Variants in RAB27B observed in about 807,000 individuals in gnomAD.
RAB27B encodes the protein ras-related protein Rab-27B.
In RAB27B, 15 loss-of-function variants were observed where a neutral mutation model predicts 24.6. The ratio of observed to expected loss-of-function variants is 0.61; its 90% confidence interval spans 0.41 to 0.94. RAB27B has a LOEUF of 0.94. Ranked by LOEUF, RAB27B falls within the 40% of genes least tolerant of loss-of-function variation. The probability of loss-of-function intolerance (pLI) is 0.00; values close to 1 mark genes in which losing one functional copy is unlikely to be tolerated. For synonymous variants in RAB27B, 105 were observed against 92.5 expected (o/e 1.14, Z -0.78); for missense variants, 261 against 266.8 (o/e 0.98, Z 0.15).
chr18:54,810,584 C>T (rs1257202248), intron 2 of RAB27B, among the ~76,000 whole-genome samples: 1 of 151,978 alleles, frequency 6.6e-6, no homozygotes. Context: ...AATCCCAGCA[C>T]ATTGGGAGGC....
chr18:54,796,624 T>G (rs556112970), intron 2 of RAB27B, among the ~76,000 whole-genome samples: 6 of 152,314 alleles, frequency 3.9e-5, no homozygotes, highest in East Asian at 1.9e-4. Flanking sequence ...GCCAATCTGC[T>G]GGTGTCTATT....
chr18:54,783,233 C>T (rs1316892342), intron 2 of RAB27B, among the ~76,000 whole-genome samples: 2 of 152,082 alleles, frequency 1.3e-5, no homozygotes, highest in Non-Finnish European at 2.9e-5. Flanking sequence ...TCCCAAAGTG[C>T]TGGGATTACA....
chr18:54,743,254 A>G (rs571122167), intron 2 of RAB27B, among the ~76,000 whole-genome samples: 2 of 152,328 alleles, frequency 1.3e-5, no homozygotes, highest in African/African-American at 4.8e-5. Context: ...CTATATTAAC[A>G]TAACTGAATT....
chr18:54,801,614 T>C (rs2145130758), intron 2 of RAB27B, among the ~76,000 whole-genome samples: 1 of 152,228 alleles, frequency 6.6e-6, no homozygotes, highest in South Asian at 2.1e-4. Flanking sequence ...GATTCTTTGT[T>C]GGGGCTTGGG....
At chr18:54,728,832 C>G (rs1460295287) in intron 2 of RAB27B, among the ~76,000 whole-genome samples, 1 of 122,920 alleles carries the variant, frequency 8.1e-6, no homozygotes, top group East Asian at 2.7e-4. Flanking sequence ...ACCAAGATCA[C>G]ACCACTGTAC....
At chr18:54,762,347 G>C (rs1908217475) in intron 2 of RAB27B, among the ~76,000 whole-genome samples, 1 of 152,122 alleles carries the variant, frequency 6.6e-6, no homozygotes, top group Non-Finnish European at 1.5e-5. Context: ...GTGCCACCAA[G>C]CCTGGCTAAT....
At chr18:54,809,625 A>T (rs1305601440) in intron 2 of RAB27B, among the ~76,000 whole-genome samples, 1 of 152,230 alleles carries the variant, frequency 6.6e-6, no homozygotes, top group African/African-American at 2.4e-5. Context: ...GCTAATGCAT[A>T]AGTCAAAACC....
At chr18:54,774,629 G>A (rs1223396338) in intron 2 of RAB27B, among the ~76,000 whole-genome samples, 1 of 152,338 alleles carries the variant, frequency 6.6e-6, no homozygotes, top group Non-Finnish European at 1.5e-5. Context: ...AGATAGCTAA[G>A]TCTTTCATAA....
chr18:54,891,217 A>G lies in RAB27B; in HGVS notation c.*1804A>G, dbSNP rs1369265640. ...AGATCCAAGGAAATGTCTCTTTATA[A>G]TGTTCTTAGGATGGACTAGACCCAT... On this transcript the variant is annotated 3_prime_UTR_variant, in exon 6 of 6. Transcript: ENST00000262094. 1 of 152,038 alleles carries G rather than the reference A, an allele frequency of 6.6e-6. No homozygotes were observed. Among genetic ancestry groups the G allele is most frequent in the Non-Finnish European group, 1.5e-5 (1 of 68,002 alleles). The allele number at this position is 152,038 out of a possible 1,614,324, so 9.4% of individuals were successfully genotyped here. A position where few individuals can be genotyped will look rare whatever the true frequency, so the allele number is the denominator to read the frequency against.
chr18:54,730,616 C>T (rs1909699894), intron 2 of RAB27B, among the ~76,000 whole-genome samples: 1 of 151,834 alleles, frequency 6.6e-6, no homozygotes, highest in Admixed American at 6.6e-5. Context: ...GGCTTGGTGC[C>T]CTCCCGTGGT....
intron 2 of RAB27B, among the ~76,000 whole-genome samples, chr18:54,756,119 A>G (rs1332329587): frequency 6.6e-6 from 1 of 152,216 alleles, no homozygotes; most frequent in Admixed American, 6.5e-5. Flanking sequence ...TTATCGACCT[A>G]CTGAAAAAGT....
At chr18:54,840,906 T>C (rs1349401446) in intron 1 of RAB27B, among the ~76,000 whole-genome samples, 2 of 151,990 alleles carry the variant, frequency 1.3e-5, no homozygotes, top group African/African-American at 4.8e-5. Flanking sequence ...CCCAGCACTT[T>C]GGGAGGCTGA....
intron 2 of RAB27B, among the ~76,000 whole-genome samples, chr18:54,772,569 T>G (rs1009739335): frequency 6.6e-6 from 1 of 152,206 alleles, no homozygotes; most frequent in Admixed American, 6.5e-5. Context: ...AAATTTCAAA[T>G]AGACATCCAG....
chr18:54,871,996 A>T (rs571192207), intron 1 of RAB27B, among the ~76,000 whole-genome samples: 405 of 152,260 alleles, frequency 2.7e-3, no homozygotes, highest in African/African-American at 9.3e-3. Context: ...GTAATTCCAA[A>T]TGTGGAGTAG....
intron 2 of RAB27B, among the ~76,000 whole-genome samples, chr18:54,762,494 C>T (rs1455591309): frequency 6.6e-6 from 1 of 152,190 alleles, no homozygotes; most frequent in Non-Finnish European, 1.5e-5. Flanking sequence ...ACTTTATTTC[C>T]TCCTACTCCC....
At chr18:54,831,083 G>A (rs965186698) in intron 1 of RAB27B, among the ~76,000 whole-genome samples, 6 of 152,146 alleles carry the variant, frequency 3.9e-5, no homozygotes, top group African/African-American at 1.2e-4. Flanking sequence ...GATAAGCAGG[G>A]TGAGTCTATG....
At chr18:54,774,654 A>T (rs2145077685) in intron 2 of RAB27B, among the ~76,000 whole-genome samples, 1 of 152,322 alleles carries the variant, frequency 6.6e-6, no homozygotes, top group African/African-American at 2.4e-5. Flanking sequence ...ATTCCTTTTA[A>T]TTCCCTTTAC....
At chr18:54,853,176 A>T (rs539831482) in intron 1 of RAB27B, among the ~76,000 whole-genome samples, 1 of 152,250 alleles carries the variant, frequency 6.6e-6, no homozygotes, top group East Asian at 1.9e-4. Flanking sequence ...AAAACTGAGG[A>T]TATGCTGTGT....
At chr18:54,837,255 A>G (rs1910931478) in intron 1 of RAB27B, among the ~76,000 whole-genome samples, 1 of 152,148 alleles carries the variant, frequency 6.6e-6, no homozygotes, top group African/African-American at 2.4e-5. Flanking sequence ...TGGCAAATAC[A>G]AAAGGTCTGA....
Sources: gnomAD v4.1 joint callset for allele counts (sites outside exome capture counted in the v4.1 genomes callset) on GRCh38, gnomAD v4.1.1 for gene constraint, MANE v1.5 for transcripts, NCBI Gene and HGNC (gene_info 2026-07-23, HGNC 2026-07-21) for gene names.